CTNNAL1: variants seen among roughly 807,000 people sequenced by gnomAD.
The protein encoded by CTNNAL1 is catenin alpha like 1.
CTNNAL1 carries 69 observed loss-of-function variants against 93.6 expected under a neutral mutation model. The observed-to-expected ratio is 0.74, with a 90% CI of 0.61 to 0.90. The LOEUF (loss-of-function observed/expected upper bound fraction) is 0.90. Among genes scored for constraint, CTNNAL1 ranks in the 40% least tolerant of loss-of-function variants. The pLI, the probability that CTNNAL1 is intolerant of heterozygous loss-of-function variation, is 0.00. For synonymous variants in CTNNAL1, 286 were observed against 305.4 expected (o/e 0.94, Z 0.66); for missense variants, 836 against 862.0 (o/e 0.97, Z 0.38).
chr9:108,986,260 G>A (rs946127238), intron 4 of CTNNAL1, among the ~76,000 whole-genome samples: 1 of 148,578 alleles, frequency 6.7e-6, no homozygotes, highest in African/African-American at 2.5e-5. Flanking sequence ...TCCCATCTAT[G>A]AGTGAGAACA....
At chr9:108,952,393 CT>C (rs1309711461) in intron 13 of CTNNAL1, 30 bp from the exon 14 acceptor site, 6 of 1,614,028 alleles carry the variant, frequency 3.7e-6, no homozygotes, top group Non-Finnish European at 5.1e-6. Context: ...ATCACAACGA[CT>C]TTATCACTAT....
chr9:108,997,075 C>T (rs1832049008), intron 2 of CTNNAL1, among the ~76,000 whole-genome samples: 2 of 152,194 alleles, frequency 1.3e-5, no homozygotes, highest in African/African-American at 4.8e-5. Context: ...AGTGCTTTCA[C>T]ATCCTTTTCT....
intron 11 of CTNNAL1, among the ~76,000 whole-genome samples, chr9:108,962,331 C>T (rs1830839519): frequency 2.0e-5 from 3 of 152,152 alleles, no homozygotes; most frequent in Non-Finnish European, 4.4e-5. Flanking sequence ...TACAATTTTA[C>T]CCACAAAGAC....
chr9:109,010,400 C>T (rs1439821461), intron 1 of CTNNAL1, among the ~76,000 whole-genome samples: 2 of 152,128 alleles, frequency 1.3e-5, no homozygotes, highest in African/African-American at 4.8e-5. Flanking sequence ...TGTCATATTA[C>T]ACTGGCTAGA....
chr9:108,990,683 G>GT, intron 4 of CTNNAL1, 43 bp downstream of exon 4: 1 of 1,584,506 alleles, frequency 6.3e-7, no homozygotes. Context: ...AAACTAAAAA[G>GT]TATGTATTTA....
chr9:108,955,105 G>A (rs1019505154), intron 12 of CTNNAL1, among the ~76,000 whole-genome samples: 1 of 151,986 alleles, frequency 6.6e-6, no homozygotes, highest in African/African-American at 2.4e-5. Flanking sequence ...TGGGATTACA[G>A]GCCTCTGCCA....
intron 11 of CTNNAL1, among the ~76,000 whole-genome samples, chr9:108,957,924 C>T (rs1252904282): frequency 3.3e-5 from 5 of 152,024 alleles, no homozygotes; most frequent in African/African-American, 1.2e-4. Context: ...TCAAGACCAG[C>T]CTGGCCAAAA....
chr9:109,012,292 G>A (rs1827228630), intron 1 of CTNNAL1, among the ~76,000 whole-genome samples: 1 of 152,192 alleles, frequency 6.6e-6, no homozygotes, highest in Admixed American at 6.5e-5. Context: ...TGTTTAAGCA[G>A]GGTACTGGTG....
chr9:108,944,009 C>T lies in CTNNAL1; in HGVS notation c.1894G>A (p.Ala632Thr), dbSNP rs1316365884. ...CTGGAAGTAAGCTTTAAACCCTCTG[C>T]AGCAAAAACCTGGTAGAAAGAGAAA... ...DLIHQLEVFA[A>T]EGLKLTSSVQ... Residue 632 changes from alanine to threonine, a missense_variant, in exon 16 of 19, where the codon GCA becomes ACA. Coordinates refer to ENST00000325551, the MANE Select transcript of CTNNAL1 (RefSeq NM_003798.4). 1.2e-6 allele frequency: 2 copies of T among 1,613,430 alleles called. No homozygotes were observed. The highest frequency in any genetic ancestry group is 1.7e-5 in the Admixed American group (1 of 59,906).
chr9:108,951,217 G>A (rs1426520387), intron 14 of CTNNAL1, among the ~76,000 whole-genome samples: 3 of 150,124 alleles, frequency 2.0e-5, no homozygotes, highest in Non-Finnish European at 4.4e-5. Context: ...GGGTTTCAGT[G>A]TGTTAACCAG....
In CTNNAL1 at chr9:108,944,000, A is replaced by C. The variant is rs1830325211; in HGVS notation, c.1903T>G (p.Leu635Val). Residue 635 changes from leucine (L) to valine (V), a missense_variant, in exon 16 of 19, where the codon TTA (leucine) becomes GTA (valine). Transcript: ENST00000325551. The part of the protein sequence containing the change: ...HQLEVFAAEG[L>V]KLTSSVQAFS... ...GCTTGAACACTGGAAGTAAGCTTTAAACCCTCTGCAGCAAAAACCTGGTAG... is the reference window on the plus strand; with the variant it reads ...GCTTGAACACTGGAAGTAAGCTTTACACCCTCTGCAGCAAAAACCTGGTAG... 6.2e-7 allele frequency: 1 copy of C among 1,613,760 alleles called. No individual in the cohort carries two copies. The highest frequency in any genetic ancestry group is 1.3e-5 in the African/African-American group (1 of 74,936).
rs1408036274 is a variant in CTNNAL1 at position 108,983,240 on chromosome 9, A to G, written c.805T>C (p.Leu269=). The G allele has an allele frequency of 1.3e-6, 2 of 1,597,570 alleles. No individual in the cohort carries two copies. The highest frequency in any genetic ancestry group is 2.3e-5 in the East Asian group (1 of 43,698). Residue 269 remains leucine, a synonymous_variant, in exon 6 of 19, where the codon TTG becomes CTG. Transcript: ENST00000325551. ...EGVFDRMKVA[L]DKVIEIVTDC... ...GTCACAATTTCAATGACCTTATCCA[A>G]TGCCACTTTCATACGGTCAAATACT...
At position 108,955,842 on chromosome 9, in the gene CTNNAL1, T is replaced by A. The variant is rs777901037; in HGVS notation, c.1592-15A>T. On this transcript the variant is annotated splice_polypyrimidine_tract_variant and intron_variant, in intron 11 of 18. Coordinates refer to ENST00000325551, the MANE Select transcript of CTNNAL1 (RefSeq NM_003798.4). Reference sequence around the variant, plus strand: ...ATACTTCTCTCCTACAAATAACACATATAACTTAAAAAATTTTTTCTATTA... The same window carrying A: ...ATACTTCTCTCCTACAAATAACACAAATAACTTAAAAAATTTTTTCTATTA... The A allele has an allele frequency of 6.5e-7, 1 of 1,543,926 alleles. No homozygotes were observed. The highest frequency in any genetic ancestry group is 8.7e-7 in the Non-Finnish European group (1 of 1,147,404).
chr9:109,005,664 T>C (rs1827002452), intron 1 of CTNNAL1, among the ~76,000 whole-genome samples: 1 of 152,206 alleles, frequency 6.6e-6, no homozygotes, highest in Admixed American at 6.5e-5. Flanking sequence ...CTGTGAGGCA[T>C]AAATTTCTGT....
At chr9:108,958,774 A>G (rs113061571) in intron 11 of CTNNAL1, among the ~76,000 whole-genome samples, 11,178 of 151,464 alleles carry the variant, frequency 0.074, 491 homozygotes, top group Admixed American at 0.13. Flanking sequence ...CACCCAGGCT[A>G]AAGTGCAGTG....
chr9:109,012,499 G>A lies in CTNNAL1; in HGVS notation c.141+803C>T, dbSNP rs560395523. ...GCTTGGCATCTTACCACAGACCTAA[G>A]TGAGGAATTCTAGCCCTGAAGCTGC... On this transcript the variant is annotated intron_variant, in intron 1 of 18. Coordinates refer to ENST00000325551, the MANE Select transcript of CTNNAL1 (RefSeq NM_003798.4). Among the ~76,000 whole-genome samples, 14 of 152,294 alleles carry A rather than the reference G, an allele frequency of 9.2e-5. No individual in the cohort carries two copies. The South Asian group carries it at 2.9e-3, about 32-fold the overall frequency.
At chr9:108,971,146 A>G (rs1049305287) in intron 9 of CTNNAL1, among the ~76,000 whole-genome samples, 2 of 152,232 alleles carry the variant, frequency 1.3e-5, no homozygotes, top group Admixed American at 1.3e-4. Context: ...TGAAGAAGCT[A>G]TATCTACAGT....
chr9:108,976,993 A>G lies in CTNNAL1; in HGVS notation c.1157T>C (p.Ile386Thr). Reference protein sequence around the residue: ...AEELELSILKISHSLNELKKE... With the variant: ...AEELELSILKTSHSLNELKKE... ...CTTAAGTTCATTAAGACTGTGACTGATTTTCAAAATACTGAGTTCCAGTTC... is the reference window on the plus strand; with the variant it reads ...CTTAAGTTCATTAAGACTGTGACTGGTTTTCAAAATACTGAGTTCCAGTTC... Residue 386 changes from isoleucine (I) to threonine (T), a missense_variant, in exon 8 of 19, where the codon ATC becomes ACC. Coordinates refer to ENST00000325551, the MANE Select transcript of CTNNAL1 (RefSeq NM_003798.4). 1 of 1,520,692 alleles carries G rather than the reference A, an allele frequency of 6.6e-7. No homozygotes were observed. The highest frequency in any genetic ancestry group is 8.8e-7 in the Non-Finnish European group (1 of 1,135,768). 94.2% of individuals were successfully genotyped at this position (1,520,692 alleles called of 1,614,324 possible). A position where few individuals can be genotyped will look rare whatever the true frequency, so the allele number is the denominator to read the frequency against.
chr9:108,948,062 G>T, intron 15 of CTNNAL1, 124 bp downstream of exon 15: 1 of 1,129,666 alleles, frequency 8.9e-7, no homozygotes, highest in Non-Finnish European at 1.3e-6. Flanking sequence ...ACTGCTCTCT[G>T]TAATACACAG....
Sources: gnomAD v4.1 joint callset for allele counts (sites outside exome capture counted in the v4.1 genomes callset) on GRCh38, gnomAD v4.1.1 for gene constraint, MANE v1.5 for transcripts, NCBI Gene and HGNC (gene_info 2026-07-23, HGNC 2026-07-21) for gene names.